The following CHMP3 variants were observed in gnomAD, a reference collection of about 807,000 sequenced individuals.
CHMP3 encodes 25.1 protein.
In CHMP3, 8 loss-of-function variants were observed where a neutral mutation model predicts 27.4. The observed-to-expected ratio is 0.29, with a 90% CI of 0.17 to 0.53. The LOEUF (loss-of-function observed/expected upper bound fraction) is 0.53. Ranked by LOEUF, CHMP3 falls within the 20% of genes least tolerant of loss-of-function variation. The probability of loss-of-function intolerance (pLI) is 0.96; values close to 1 mark genes in which losing one functional copy is unlikely to be tolerated. For missense variants in CHMP3, 208 were observed against 271.5 expected (o/e 0.77, Z 1.64); for synonymous variants, 86 against 85.5 (o/e 1.01, Z -0.03).
chr2:86,508,291 T>A (rs1674963648), intron 4 of CHMP3, among the ~76,000 whole-genome samples: 1 of 152,214 alleles, frequency 6.6e-6, no homozygotes, highest in South Asian at 2.1e-4. Flanking sequence ...ATGGCACCAC[T>A]GCAGGACACA....
At chr2:86,516,575 A>G (rs1397075098) in intron 3 of CHMP3, among the ~76,000 whole-genome samples, 1 of 152,198 alleles carries the variant, frequency 6.6e-6, no homozygotes, top group East Asian at 1.9e-4. Context: ...AAACCTGTAC[A>G]CTTTTATAGC....
At chr2:86,560,182 T>C (rs1342986175) in intron 1 of CHMP3, among the ~76,000 whole-genome samples, 1 of 152,130 alleles carries the variant, frequency 6.6e-6, no homozygotes, top group Non-Finnish European at 1.5e-5. Flanking sequence ...GGAGAATCCC[T>C]TGAACCCAGG....
Position 86,504,904 on chromosome 2 carries a change from T to C in CHMP3, c.*900A>G, listed in dbSNP as rs1674832747. 6.6e-6 allele frequency: 1 copy of C among 152,144 alleles called. No homozygotes were observed. Among genetic ancestry groups the C allele is most frequent in the Non-Finnish European group, 1.5e-5 (1 of 68,026 alleles). 9.4% of individuals were successfully genotyped at this position (152,144 alleles called of 1,614,324 possible). A position where few individuals can be genotyped will look rare whatever the true frequency, so the allele number is the denominator to read the frequency against. On this transcript the variant is annotated 3_prime_UTR_variant, in exon 6 of 6. Coordinates refer to ENST00000263856, the MANE Select transcript of CHMP3 (RefSeq NM_016079.4). Reference sequence around the variant, plus strand: ...CTGTAAACTCTCAACACATACAAAGTACTACTGCTGAAATGATTTATAAAT... The same window carrying C: ...CTGTAAACTCTCAACACATACAAAGCACTACTGCTGAAATGATTTATAAAT...
chr2:86,517,100 A>G (rs1675337202), intron 3 of CHMP3, among the ~76,000 whole-genome samples: 1 of 152,200 alleles, frequency 6.6e-6, no homozygotes, highest in Non-Finnish European at 1.5e-5. Context: ...ACTATTTTCT[A>G]AAAACATAAG....
At chr2:86,554,989 G>C (rs956243621) in intron 1 of CHMP3, among the ~76,000 whole-genome samples, 5 of 151,882 alleles carry the variant, frequency 3.3e-5, no homozygotes, top group African/African-American at 1.2e-4. Context: ...TGGGATTACA[G>C]GTGCCTGCCA....
rs1316876854 is a variant in CHMP3 at position 86,510,404 on chromosome 2, G to A, written c.362C>T (p.Pro121Leu). 5 of 1,613,888 alleles carry A rather than the reference G, an allele frequency of 3.1e-6. No individual in the cohort carries two copies. The South Asian group carries it at 4.4e-5, about 14-fold the overall frequency. Residue 121 changes from proline to leucine, a missense_variant, in exon 4 of 6, where the codon CCA becomes CTA. Physicochemically the swap from Pro to Leu is moderately conservative, Grantham distance 98. This residue lies in a region of CHMP3 where 94 missense variants were observed against 159.6 expected (regional missense o/e 0.59). Coordinates refer to ENST00000263856, the MANE Select transcript of CHMP3 (RefSeq NM_016079.4). ...CTCCCTCATGGTGGCCTGAATCTCT[G>A]GAATCTTCACAAGACTTTGCATGGC... ...MKAMQSLVKIPEIQATMRELS... is the reference protein window; with the variant it reads ...MKAMQSLVKILEIQATMRELS...
intron 1 of CHMP3, among the ~76,000 whole-genome samples, chr2:86,550,451 GGA>G (rs1333046562): frequency 1.3e-5 from 2 of 151,198 alleles, no homozygotes; most frequent in African/African-American, 2.4e-5. Flanking sequence ...AAAGGGAGAG[GGA>G]GAGAGAGAGG....
intron 1 of CHMP3, chr2:86,562,079 T>G (rs1677393195): frequency 6.6e-6 from 1 of 152,230 alleles, no homozygotes; most frequent in Admixed American, 6.5e-5. Flanking sequence ...CAATTTTTAT[T>G]TTACCAAGGA....
At chr2:86,560,085 G>A (rs1677286080) in intron 1 of CHMP3, among the ~76,000 whole-genome samples, 1 of 152,154 alleles carries the variant, frequency 6.6e-6, no homozygotes, top group African/African-American at 2.4e-5. Flanking sequence ...CTAACACGGT[G>A]AAACTCTGTC....
chr2:86,547,206 C>T (rs1200435253), intron 1 of CHMP3, among the ~76,000 whole-genome samples: 1 of 152,184 alleles, frequency 6.6e-6, no homozygotes, highest in Non-Finnish European at 1.5e-5. Context: ...TTCTCTTATT[C>T]ACCAAGCCCT....
At chr2:86,534,769 G>C (rs1031494739) in intron 2 of CHMP3, among the ~76,000 whole-genome samples, 2 of 151,884 alleles carry the variant, frequency 1.3e-5, no homozygotes, top group Non-Finnish European at 2.9e-5. Flanking sequence ...TAATAACATA[G>C]CTGTCCCTGC....
intron 1 of CHMP3, chr2:86,563,021 G>T (rs1029537641): frequency 2.8e-6 from 1 of 352,968 alleles, no homozygotes; most frequent in Non-Finnish European, 5.2e-6. Context: ...AGAGGTTTCC[G>T]AGGCCAGGAC....
intron 1 of CHMP3, among the ~76,000 whole-genome samples, chr2:86,548,929 C>T (rs1206694059): frequency 6.7e-6 from 1 of 149,054 alleles, no homozygotes; most frequent in Non-Finnish European, 1.5e-5. Context: ...GATGATGGGC[C>T]GGGCAGAGGT....
intron 1 of CHMP3, among the ~76,000 whole-genome samples, chr2:86,556,062 C>T (rs1423001822): frequency 6.6e-6 from 1 of 152,080 alleles, no homozygotes; most frequent in East Asian, 1.9e-4. Flanking sequence ...CAAGCAAATC[C>T]TTAAAATACA....
chr2:86,506,101 A>G (rs1674876671), intron 5 of CHMP3, 152 bp from the exon 6 acceptor site: 1 of 838,278 alleles, frequency 1.2e-6, no homozygotes, highest in African/African-American at 1.8e-5. Flanking sequence ...ACTCTGGGAA[A>G]TGTGCAAATA....
At chr2:86,509,588 C>T (rs1388577733) in intron 4 of CHMP3, among the ~76,000 whole-genome samples, 1 of 152,194 alleles carries the variant, frequency 6.6e-6, no homozygotes, top group Non-Finnish European at 1.5e-5. Context: ...AGGTCTGAAG[C>T]ATGAAACAGC....
At chr2:86,544,981 C>A (rs1676514816) in intron 1 of CHMP3, among the ~76,000 whole-genome samples, 1 of 110,142 alleles carries the variant, frequency 9.1e-6, no homozygotes, top group Admixed American at 9.4e-5. Flanking sequence ...GCGCTCCTCA[C>A]CTCCCAGACG....
chr2:86,532,760 C>T (rs1466238219), intron 2 of CHMP3, among the ~76,000 whole-genome samples: 2 of 152,190 alleles, frequency 1.3e-5, no homozygotes, highest in African/African-American at 4.8e-5. Flanking sequence ...CATGTTGAAT[C>T]ATTCTTGCAT....
At chr2:86,534,857 A>T (rs1216419482) in intron 2 of CHMP3, among the ~76,000 whole-genome samples, 1 of 152,198 alleles carries the variant, frequency 6.6e-6, no homozygotes, top group East Asian at 1.9e-4. Context: ...TTGGATCTAA[A>T]GTCTCACTCT....
Sources: gnomAD v4.1 joint callset for allele counts (sites outside exome capture counted in the v4.1 genomes callset) on GRCh38, gnomAD v4.1.1 for gene constraint, gnomAD v4.1.1 regional missense constraint, MANE v1.5 for transcripts, NCBI Gene and HGNC (gene_info 2026-07-23, HGNC 2026-07-21) for gene names.